FLT1: variants seen among roughly 807,000 people sequenced by gnomAD.
The protein encoded by FLT1 is vascular endothelial growth factor receptor 1.
In FLT1, 49 loss-of-function variants were observed where a neutral mutation model predicts 156.3. The ratio of observed to expected loss-of-function variants is 0.31; its 90% CI spans 0.25 to 0.40. The LOEUF (loss-of-function observed/expected upper bound fraction) is 0.40, where lower values mean the gene tolerates loss of function less well. FLT1 is among the 10% of genes least tolerant of loss of function. FLT1 has a pLI of 1.00. For synonymous variants in FLT1, 594 were observed against 583.8 expected (o/e 1.02, Z -0.25); for missense variants, 1,322 against 1,637.2 (o/e 0.81, Z 3.32).
At chr13:28,458,129 GT>G (rs950669090) in intron 3 of FLT1, among the ~76,000 whole-genome samples, 6 of 151,770 alleles carry the variant, frequency 4.0e-5, no homozygotes, top group Non-Finnish European at 7.4e-5. Context: ...TAGAGACGGG[GT>G]TTCACCATGT....
chr13:28,444,156 A>G (rs182536546), intron 3 of FLT1, among the ~76,000 whole-genome samples: 3 of 152,326 alleles, frequency 2.0e-5, no homozygotes, highest in Admixed American at 2.0e-4. Context: ...AATAGTAGAT[A>G]GTGGGCTAGG....
In FLT1 at chr13:28,467,032, G is replaced by T. The variant is rs537439156; in HGVS notation, c.259C>A (p.Gln87Lys). The change falls in exon 3 of 30, where the codon CAA becomes AAA. Residue 87 changes from glutamine to lysine, a missense_variant. Gln to Lys is a moderately conservative substitution (Grantham distance 53). Coordinates refer to ENST00000282397, the MANE Select transcript of FLT1 (RefSeq NM_002019.4). ...TTCAAGGTTAAAGTACTGCAGAATT[G>T]TTTGCCATTTCTTCCACAGGCAGAT... ...TKSACGRNGKQFCSTLTLNTA... is the reference protein window; with the variant it reads ...TKSACGRNGKKFCSTLTLNTA... The T allele has an allele frequency of 6.2e-7, 1 of 1,614,120 alleles. No individual in the cohort carries two copies. The highest frequency in any genetic ancestry group is 2.2e-5 in the East Asian group (1 of 44,890).
In FLT1 at chr13:28,322,272, G is replaced by A. The variant is rs747942952; in HGVS notation, c.3041C>T (p.Ser1014Phe). 2.0e-5 allele frequency: 32 copies of A among 1,603,152 alleles called. No homozygotes were observed. Among genetic ancestry groups the A allele is most frequent in the Admixed American group, 3.3e-5 (2 of 60,016 alleles). Residue 1014 changes from serine (S) to phenylalanine (F), a missense_variant, in exon 22 of 30, where the codon TCT becomes TTT. By Grantham distance (155) the Ser-to-Phe change is radical. Around this residue, in one of 3 missense-constraint regions of FLT1, gnomAD observed 991 missense variants for 1,254.8 expected, o/e 0.79. Transcript: ENST00000282397. The surrounding 1 kb of genome is among the most constrained non-coding windows in gnomAD (Gnocchi z 4.3). The part of the protein sequence containing the change: ...FQVARGMEFL[S>F]SRKCIHRDLA... ...AACAGCAAGACTGACCTTTCTGGAA[G>A]ACAGGAACTCCATGCCTCTGGCCAC...
chr13:28,323,086 C>T, intron 20 of FLT1, 140 bp from the exon 21 acceptor site: 2 of 887,388 alleles, frequency 2.3e-6, no homozygotes, highest in Non-Finnish European at 3.7e-6. Context: ...GCACAGGGGC[C>T]CTACGGTGTC....
Position 28,303,330 on chromosome 13 carries a change from G to A in FLT1, c.3854C>T (p.Ser1285Phe). 6.2e-7 allele frequency: 1 copy of A among 1,614,122 alleles called. No individual in the cohort carries two copies. The highest frequency in any genetic ancestry group is 1.1e-5 in the South Asian group (1 of 91,076). ...GCAGAAACTGGGCCTGCTGACATCAGACAGCCCCGACTCCTTACTTTTACT... is the reference window on the plus strand; with the variant it reads ...GCAGAAACTGGGCCTGCTGACATCAAACAGCCCCGACTCCTTACTTTTACT... ...VTSKSKESGL[S>F]DVSRPSFCHS... Residue 1285 changes from serine (S) to phenylalanine (F), a missense_variant, in exon 30 of 30, where the codon TCT becomes TTT. Ser to Phe is a radical substitution (Grantham distance 155). Around this residue, in one of 3 missense-constraint regions of FLT1, gnomAD observed 329 missense variants for 366.2 expected, o/e 0.90. Coordinates refer to ENST00000282397, the MANE Select transcript of FLT1 (RefSeq NM_002019.4).
At chr13:28,419,821 G>T (rs1355522332) in intron 10 of FLT1, among the ~76,000 whole-genome samples, 1 of 152,240 alleles carries the variant, frequency 6.6e-6, no homozygotes, top group Admixed American at 6.5e-5. Context: ...GGAGGTTGCA[G>T]TGAGCCGAGA....
chr13:28,417,762 C>T (rs939876250), intron 10 of FLT1, among the ~76,000 whole-genome samples: 51 of 151,160 alleles, frequency 3.4e-4, no homozygotes, highest in African/African-American at 1.1e-3. Context: ...TACAAGAGCA[C>T]GCCACTGTGC....
At chr13:28,318,147 C>T (rs17619123) in intron 24 of FLT1, among the ~76,000 whole-genome samples, 2,706 of 152,182 alleles carry the variant, frequency 0.018, 43 homozygotes, top group Admixed American at 0.048. Flanking sequence ...TTTAAAAAGC[C>T]AATAGACTTG....
intron 12 of FLT1, among the ~76,000 whole-genome samples, chr13:28,393,200 C>A (rs1169343105): frequency 6.6e-6 from 1 of 152,150 alleles, no homozygotes; most frequent in Non-Finnish European, 1.5e-5. Flanking sequence ...GAAGAATCAA[C>A]CCTTGCTCAG....
At chr13:28,368,703 C>CTTTT (rs34319914) in intron 14 of FLT1, 254 of 565,776 alleles carry the variant, frequency 4.5e-4, no homozygotes, top group African/African-American at 9.3e-4. Flanking sequence ...AGATTGGCAG[C>CTTTT]TTTTTTTTTT....
At position 28,372,581 on chromosome 13, in the gene FLT1, T is replaced by C. The variant is rs1257831464; in HGVS notation, c.2116+12304A>G. ...TAAATAAAATGTATATATATATATA[T>C]ATATATATATATATATATATAGCTG... On this transcript the variant is annotated intron_variant, in intron 14 of 29. Coordinates refer to ENST00000282397, the MANE Select transcript of FLT1 (RefSeq NM_002019.4). 9.5e-5 allele frequency among the ~76,000 whole-genome samples: 12 copies of C among 126,682 alleles called. 2 individuals are homozygous for C. Among genetic ancestry groups the C allele is most frequent in the Non-Finnish European group, 1.9e-4 (11 of 59,228 alleles). 83.1% of individuals were successfully genotyped at this position (126,682 alleles called of 152,430 possible).
chr13:28,413,875 G>T (rs1444656496), intron 10 of FLT1, among the ~76,000 whole-genome samples: 1 of 152,162 alleles, frequency 6.6e-6, no homozygotes, highest in Non-Finnish European at 1.5e-5. Flanking sequence ...TGAAATCATG[G>T]TTTTATAACA....
Position 28,308,022 on chromosome 13 carries a change from T to C in FLT1, c.3720+821A>G, listed in dbSNP as rs1438584970. On this transcript the variant is annotated intron_variant, in intron 28 of 29. Transcript: ENST00000282397. The stretch of plus-strand genomic sequence containing the variant: ...CTCCTGACCTCGTGATCCGCCTGCC[T>C]TGGCCTCCCAAAGTGCTGGGATTAC... 2.0e-5 allele frequency among the ~76,000 whole-genome samples: 3 copies of C among 152,326 alleles called. No homozygotes were observed. The East Asian group carries it at 5.8e-4, about 29-fold the overall frequency.
chr13:28,349,764 C>G (rs1392939380), intron 15 of FLT1, among the ~76,000 whole-genome samples: 1 of 151,974 alleles, frequency 6.6e-6, no homozygotes, highest in African/African-American at 2.4e-5. Context: ...TTTCAGTGGA[C>G]CAAATGTGTT....
rs570163380 is a variant in FLT1 at position 28,341,850 on chromosome 13, T to C, written c.2356-2550A>G. 3.3e-5 allele frequency among the ~76,000 whole-genome samples: 5 copies of C among 152,306 alleles called. No individual in the cohort carries two copies. In the South Asian group the frequency reaches 8.3e-4, roughly 25 times the overall value. Reference sequence around the variant, plus strand: ...AGAAATAGAAGGCACCTCTTCAATCTAGTCCCAATGTACCTTTCCAGTTTT... The same window carrying C: ...AGAAATAGAAGGCACCTCTTCAATCCAGTCCCAATGTACCTTTCCAGTTTT... On this transcript the variant is annotated intron_variant, in intron 16 of 29. Coordinates refer to ENST00000282397, the MANE Select transcript of FLT1 (RefSeq NM_002019.4).
At chr13:28,366,573 G>T (rs1476494145) in intron 14 of FLT1, among the ~76,000 whole-genome samples, 2 of 151,986 alleles carry the variant, frequency 1.3e-5, no homozygotes, top group Non-Finnish European at 2.9e-5. Flanking sequence ...GGGTTCAAGA[G>T]ATTCTCTTGC....
Position 28,372,058 on chromosome 13 carries a change from A to G in FLT1, c.2116+12827T>C, listed in dbSNP as rs1324263832. Among the ~76,000 whole-genome samples, 325 of 67,416 alleles carry G rather than the reference A, an allele frequency of 4.8e-3. 3 individuals carry two copies. The highest frequency in any genetic ancestry group is 0.012 in the Admixed American group (77 of 6,212). 44.2% of individuals were successfully genotyped at this position (67,416 alleles called of 152,430 possible). A position where few individuals can be genotyped will look rare whatever the true frequency, so the allele number is the denominator to read the frequency against. On this transcript the variant is annotated intron_variant, in intron 14 of 29. Coordinates refer to ENST00000282397, the MANE Select transcript of FLT1 (RefSeq NM_002019.4). ...TGTGTGTGTGTGTGTGTATATATATATATATATATATATATATATTTTTTT... is the reference window on the plus strand; with the variant it reads ...TGTGTGTGTGTGTGTGTATATATATGTATATATATATATATATATTTTTTT...
intron 10 of FLT1, among the ~76,000 whole-genome samples, chr13:28,413,196 C>T (rs1262921955): frequency 6.6e-6 from 1 of 152,128 alleles, no homozygotes; most frequent in Non-Finnish European, 1.5e-5. Flanking sequence ...TGGGCCACCT[C>T]TGTTTAGATA....
intron 25 of FLT1, among the ~76,000 whole-genome samples, chr13:28,312,353 G>A (rs1270507879): frequency 6.6e-6 from 1 of 152,146 alleles, no homozygotes; most frequent in Non-Finnish European, 1.5e-5. Flanking sequence ...TGGATACCCA[G>A]GTTCTTTGTT....
Sources: allele counts gnomAD v4.1 joint callset (sites outside exome capture counted in the v4.1 genomes callset), GRCh38; gene constraint gnomAD v4.1.1; regional missense constraint gnomAD v4.1.1; non-coding constraint Gnocchi (gnomAD v3.1); transcripts MANE v1.5; gene names NCBI Gene and HGNC (gene_info 2026-07-23, HGNC 2026-07-21).